The following PCCA variants were observed in gnomAD, a reference collection of about 807,000 sequenced individuals.
PCCA encodes propionyl-CoA carboxylase alpha chain, mitochondrial.
PCCA carries 74 observed loss-of-function variants against 101.3 expected under a neutral mutation model. That is an observed-to-expected ratio of 0.73 (90% CI 0.61 to 0.89). The LOEUF (loss-of-function observed/expected upper bound fraction) is 0.89. Ranked by LOEUF, PCCA falls within the 40% of genes least tolerant of loss-of-function variation. The pLI, the probability that PCCA is intolerant of heterozygous loss-of-function variation, is 0.00. For missense variants in PCCA, 891 were observed against 907.0 expected, an observed-to-expected ratio of 0.98 and a Z score of 0.23; for synonymous variants, 294 against 313.6, an observed-to-expected ratio of 0.94 and a Z score of 0.66.
intron 19 of PCCA, among the ~76,000 whole-genome samples, chr13:100,385,182 T>C (rs1240417330): frequency 6.6e-6 from 1 of 152,168 alleles, no homozygotes; most frequent in East Asian, 1.9e-4. Context: ...ACATAATGCA[T>C]AAACATAGAA....
At chr13:100,353,750 C>T (rs1287193827) in intron 18 of PCCA, among the ~76,000 whole-genome samples, 2 of 151,936 alleles carry the variant, frequency 1.3e-5, no homozygotes, top group Non-Finnish European at 2.9e-5. Flanking sequence ...CCCACTAGTT[C>T]GAGACCAGCC....
At chr13:100,283,658 T>G (rs1425538232) in intron 12 of PCCA, among the ~76,000 whole-genome samples, 2 of 151,988 alleles carry the variant, frequency 1.3e-5, no homozygotes, top group Non-Finnish European at 2.9e-5. Flanking sequence ...GCAACCTCGG[T>G]GTTCTATAAT....
rs1398273855 is a variant in PCCA, at chr13:100,118,137, AAAAG to A, written c.300+6080_300+6083del. The stretch of plus-strand genomic sequence containing the variant: ...TCTCAAAAAAAAAGAAAAAAAAAAA[AAAAG>A]AAAATAAGTTACAGACATTGTGGCA... On this transcript the variant is annotated intron_variant, in intron 4 of 23. Coordinates refer to ENST00000376285, the MANE Select transcript of PCCA (RefSeq NM_000282.4). Among the ~76,000 whole-genome samples, 432 of 151,716 alleles carry A rather than the reference AAAAG, an allele frequency of 2.8e-3. 2 individuals are homozygous for A. Among genetic ancestry groups the A allele is most frequent in the African/African-American group, 8.1e-3 (336 of 41,326 alleles).
At chr13:100,210,165 T>C (rs1445836584) in intron 7 of PCCA, among the ~76,000 whole-genome samples, 1 of 151,328 alleles carries the variant, frequency 6.6e-6, no homozygotes, top group Non-Finnish European at 1.5e-5. Flanking sequence ...TTTGTAGAGA[T>C]GAGGGTCTCA....
intron 5 of PCCA, among the ~76,000 whole-genome samples, 192 bp from the exon 6 acceptor site, chr13:100,157,095 T>C (rs1225512771): frequency 2.0e-5 from 3 of 152,174 alleles, no homozygotes; most frequent in African/African-American, 7.2e-5. Context: ...AAAGTAAATA[T>C]AAGAGGCAGT....
rs537550820 is a variant in PCCA, at chr13:100,458,643, C to A, written c.1899+9338C>A. 6.6e-5 allele frequency among the ~76,000 whole-genome samples: 10 copies of A among 151,918 alleles called. No homozygotes were observed. The East Asian group carries it at 1.2e-3, about 18-fold the overall frequency. ...GAGTGAGACCCCACCTCAAAAAAATCAAAAAAGCGAAGATTTAAAAATTAA... is the reference window on the plus strand; with the variant it reads ...GAGTGAGACCCCACCTCAAAAAAATAAAAAAAGCGAAGATTTAAAAATTAA... On this transcript the variant is annotated intron_variant, in intron 21 of 23. Transcript: ENST00000376285.
chr13:100,360,466 A>T (rs1023714914), intron 18 of PCCA, among the ~76,000 whole-genome samples: 2 of 152,198 alleles, frequency 1.3e-5, no homozygotes, highest in Non-Finnish European at 2.9e-5. Context: ...CTACATGTAA[A>T]ACATCTAAAA....
chr13:100,199,325 G>A (rs951145204), intron 6 of PCCA, among the ~76,000 whole-genome samples: 2 of 151,838 alleles, frequency 1.3e-5, no homozygotes, highest in African/African-American at 2.4e-5. Context: ...TTGTCCAAAT[G>A]TGCCACCTTG....
At chr13:100,140,381 A>G (rs1369683514) in intron 4 of PCCA, among the ~76,000 whole-genome samples, 1 of 152,162 alleles carries the variant, frequency 6.6e-6, no homozygotes, top group Non-Finnish European at 1.5e-5. Flanking sequence ...CACAGCCACA[A>G]AATTACTTGG....
chr13:100,518,843 C>G (rs1315740821), intron 22 of PCCA, among the ~76,000 whole-genome samples: 1 of 152,206 alleles, frequency 6.6e-6, no homozygotes, highest in Non-Finnish European at 1.5e-5. Context: ...CTTCTGTAAT[C>G]AAAGTTAGCA....
chr13:100,125,133 ATT>A (rs1451885118), intron 4 of PCCA, among the ~76,000 whole-genome samples: 6 of 54,618 alleles, frequency 1.1e-4, no homozygotes, highest in Admixed American at 8.4e-4. Flanking sequence ...GTGACCTTTT[ATT>A]TGTGTGTGTG....
At chr13:100,235,211 C>T (rs988275858) in intron 7 of PCCA, among the ~76,000 whole-genome samples, 37 of 142,276 alleles carry the variant, frequency 2.6e-4, no homozygotes, top group African/African-American at 9.2e-4. Context: ...GTAGTTGGTT[C>T]GTTGAAATTA....
At chr13:100,174,412 A>G (rs1047428054) in intron 6 of PCCA, among the ~76,000 whole-genome samples, 3 of 148,112 alleles carry the variant, frequency 2.0e-5, no homozygotes, top group African/African-American at 7.5e-5. Context: ...TTGTTGTGGT[A>G]CTCTTTTATG....
intron 21 of PCCA, chr13:100,481,187 G>C (rs891161105): frequency 6.6e-6 from 1 of 152,066 alleles, no homozygotes; most frequent in African/African-American, 2.4e-5. Flanking sequence ...ACTAAAGGAA[G>C]GACTTCATGG....
At chr13:100,496,586 T>C (rs1383180548) in intron 21 of PCCA, among the ~76,000 whole-genome samples, 1 of 152,214 alleles carries the variant, frequency 6.6e-6, no homozygotes, top group Non-Finnish European at 1.5e-5. Flanking sequence ...GGCATCACTT[T>C]GATCATTTGG....
chr13:100,407,257 A>G lies in PCCA; in HGVS notation c.1747-18376A>G, dbSNP rs558064228. On this transcript the variant is annotated intron_variant, in intron 19 of 23. Transcript: ENST00000376285. ...TTTGGCAATCCCATGTAAACTAAAC[A>G]TGTTAAATAATCCTGTTTACCTCTC... is the stretch of plus-strand genomic sequence containing the variant. Among the ~76,000 whole-genome samples, 79 of 152,350 alleles carry G rather than the reference A, an allele frequency of 5.2e-4. 3 individuals carry two copies. In the South Asian group the frequency reaches 0.016, roughly 31 times the overall value.
chr13:100,456,378 A>G (rs1176794919), intron 21 of PCCA, among the ~76,000 whole-genome samples: 7 of 152,346 alleles, frequency 4.6e-5, no homozygotes, highest in Admixed American at 4.6e-4. Flanking sequence ...TGTAGGGCCC[A>G]GGCCTTTGGG....
chr13:100,227,838 C>A (rs948889020), intron 7 of PCCA, among the ~76,000 whole-genome samples: 1 of 152,170 alleles, frequency 6.6e-6, no homozygotes, highest in Non-Finnish European at 1.5e-5. Context: ...GGAATACCAT[C>A]ATCTGAGCAT....
intron 22 of PCCA, among the ~76,000 whole-genome samples, chr13:100,520,600 A>T (rs911209351): frequency 1.6e-5 from 2 of 128,602 alleles, no homozygotes; most frequent in Non-Finnish European, 3.1e-5. Context: ...GCGCCACAGC[A>T]CTCCAGCCTG....
Sources: allele counts gnomAD v4.1 joint callset (sites outside exome capture counted in the v4.1 genomes callset), GRCh38; gene constraint gnomAD v4.1.1; transcripts MANE v1.5; gene names NCBI Gene and HGNC (gene_info 2026-07-23, HGNC 2026-07-21).